The following SEC22A variants were observed in gnomAD, a reference collection of about 807,000 sequenced individuals.
The protein encoded by SEC22A is vesicle-trafficking protein SEC22a.
Under a neutral mutation model 35.3 loss-of-function variants are expected in SEC22A, and 22 were observed. The observed-to-expected ratio is 0.62, with a 90% CI of 0.45 to 0.89. The LOEUF (loss-of-function observed/expected upper bound fraction) is 0.89, where lower values mean the gene tolerates loss of function less well. Among genes scored for constraint, SEC22A ranks in the 40% least tolerant of loss-of-function variants. SEC22A has a pLI of 0.00. For missense variants in SEC22A, 354 were observed against 362.5 expected (o/e 0.98, Z 0.19); for synonymous variants, 119 against 129.5 (o/e 0.92, Z 0.55).
At chr3:123,212,840 G>A (rs1368953956) in intron 2 of SEC22A, among the ~76,000 whole-genome samples, 1 of 152,094 alleles carries the variant, frequency 6.6e-6, no homozygotes, top group African/African-American at 2.4e-5. Context: ...CCATCCATTT[G>A]TTAGAAAAAG....
chr3:123,256,161 A>T (rs564804895), intron 5 of SEC22A, among the ~76,000 whole-genome samples: 1 of 152,194 alleles, frequency 6.6e-6, no homozygotes, highest in East Asian at 1.9e-4. Flanking sequence ...CCTCTCTCTA[A>T]TCTAGGAGCT....
chr3:123,238,892 G>A (rs752925920), intron 4 of SEC22A, among the ~76,000 whole-genome samples: 1 of 152,056 alleles, frequency 6.6e-6, no homozygotes, highest in Non-Finnish European at 1.5e-5. Flanking sequence ...TGTTTATTAT[G>A]GAAATTTTCA....
intron 6 of SEC22A, among the ~76,000 whole-genome samples, chr3:123,259,992 C>G (rs1002215309): frequency 3.3e-5 from 5 of 151,812 alleles, no homozygotes; most frequent in Non-Finnish European, 5.9e-5. Context: ...ATTAGCCGGG[C>G]ATGGTGATGT....
At chr3:123,249,426 A>T (rs1937592370) in intron 5 of SEC22A, among the ~76,000 whole-genome samples, 2 of 152,164 alleles carry the variant, frequency 1.3e-5, no homozygotes, top group African/African-American at 4.8e-5. Flanking sequence ...GATCTCACCA[A>T]GAATTGCCTG....
intron 6 of SEC22A, among the ~76,000 whole-genome samples, chr3:123,264,927 G>C (rs911512185): frequency 6.6e-6 from 1 of 151,912 alleles, no homozygotes; most frequent in African/African-American, 2.4e-5. Context: ...GATTATAAGC[G>C]TGAGCCACCG....
At chr3:123,206,953 T>C (rs1251524735) in intron 1 of SEC22A, among the ~76,000 whole-genome samples, 2 of 152,180 alleles carry the variant, frequency 1.3e-5, no homozygotes, top group African/African-American at 2.4e-5. Context: ...CTGGGTGTTG[T>C]GGCGCATGCC....
At chr3:123,227,776 C>G (rs184075505) in intron 4 of SEC22A, among the ~76,000 whole-genome samples, 8 of 151,978 alleles carry the variant, frequency 5.3e-5, no homozygotes, top group African/African-American at 1.2e-4. Flanking sequence ...ATGGTGAAAC[C>G]CTGTCTCTAC....
chr3:123,251,522 T>G (rs1264957521), intron 5 of SEC22A, among the ~76,000 whole-genome samples: 1 of 152,232 alleles, frequency 6.6e-6, no homozygotes, highest in African/African-American at 2.4e-5. Flanking sequence ...TTAAAGTCTT[T>G]GTTCTGCCAT....
intron 5 of SEC22A, among the ~76,000 whole-genome samples, chr3:123,249,007 G>T (rs1937588791): frequency 6.6e-6 from 1 of 152,182 alleles, no homozygotes; most frequent in Non-Finnish European, 1.5e-5. Context: ...AGTTCAGGTT[G>T]TCACCAATTG....
rs758157527 is a variant in SEC22A at position 123,225,243 on chromosome 3, G to C, written c.487G>C (p.Gly163Arg). Reference sequence around the variant, plus strand: ...CATGTGCGAACTGGGGTCAGCCAATGGAGTCACATCAGCATTTTCTGTTGA... The same window carrying C: ...CATGTGCGAACTGGGGTCAGCCAATCGAGTCACATCAGCATTTTCTGTTGA... ...ISMCELGSAN[G>R]VTSAFSVDCK... The change falls in exon 4 of 7, where the codon GGA becomes CGA. Residue 163 changes from glycine (G) to arginine (R), a missense_variant. Coordinates refer to ENST00000492595, the MANE Select transcript of SEC22A (RefSeq NM_012430.5). 5.6e-6 allele frequency: 9 copies of C among 1,613,648 alleles called. No individual in the cohort carries two copies. The African/African-American group carries it at 1.1e-4, about 19-fold the overall frequency.
At chr3:123,268,574 G>A (rs770384067) in intron 6 of SEC22A, among the ~76,000 whole-genome samples, 14 of 152,122 alleles carry the variant, frequency 9.2e-5, no homozygotes, top group African/African-American at 2.2e-4. Context: ...TCCCTGAGCC[G>A]TTGTTTTTAA....
chr3:123,233,413 G>A (rs1338396969), intron 4 of SEC22A, among the ~76,000 whole-genome samples: 2 of 152,064 alleles, frequency 1.3e-5, no homozygotes, highest in Admixed American at 6.6e-5. Context: ...CGTTTGCACA[G>A]CAATATCACC....
At chr3:123,204,999 G>A (rs2108022094) in intron 1 of SEC22A, among the ~76,000 whole-genome samples, 1 of 152,204 alleles carries the variant, frequency 6.6e-6, no homozygotes, top group East Asian at 1.9e-4. Context: ...GCTTAGGCCT[G>A]ACATGGACAG....
At chr3:123,213,076 A>G (rs1936965760) in intron 2 of SEC22A, among the ~76,000 whole-genome samples, 1 of 152,214 alleles carries the variant, frequency 6.6e-6, no homozygotes, top group Non-Finnish European at 1.5e-5. Context: ...AATACAATTC[A>G]GATAAATGCA....
At chr3:123,223,138 A>C (rs1296424617) in intron 2 of SEC22A, among the ~76,000 whole-genome samples, 1 of 152,240 alleles carries the variant, frequency 6.6e-6, no homozygotes, top group Non-Finnish European at 1.5e-5. Flanking sequence ...AATTGTGTGC[A>C]ATCTTCTGTG....
chr3:123,257,115 TGATA>T (rs762743564), intron 5 of SEC22A, among the ~76,000 whole-genome samples: 2 of 152,140 alleles, frequency 1.3e-5, no homozygotes, highest in Non-Finnish European at 2.9e-5. Flanking sequence ...TGTAAATGCT[TGATA>T]AATATTTATT....
chr3:123,223,723 G>C lies in SEC22A; in HGVS notation c.346+1G>C. The C allele has an allele frequency of 6.2e-7, 1 of 1,607,034 alleles. No individual in the cohort carries two copies. Among genetic ancestry groups the C allele is most frequent in the Non-Finnish European group, 8.5e-7 (1 of 1,176,578 alleles). On this transcript the variant is annotated splice_donor_variant, in intron 3 of 6. Coordinates refer to ENST00000492595, the MANE Select transcript of SEC22A (RefSeq NM_012430.5). LOFTEE classifies it high-confidence loss of function. ...AGACCATACTGTTTCATTGAATTTG[G>C]TAAGGGCCTGATTTTTTTTTCCTTT...
At chr3:123,224,317 A>G (rs1937182740) in intron 3 of SEC22A, among the ~76,000 whole-genome samples, 2 of 152,234 alleles carry the variant, frequency 1.3e-5, no homozygotes, top group South Asian at 2.1e-4. Flanking sequence ...CCACTTGGAA[A>G]ATATTTAGGA....
In SEC22A at chr3:123,273,075, T is replaced by C. The variant is rs980599120; in HGVS notation, c.*1353T>C. ...TTCATGGGTGATTTTCCTTTGTTTT[T>C]TAAAGAAAATATTTCAAACAAGGAA... On this transcript the variant is annotated 3_prime_UTR_variant, in exon 7 of 7. Coordinates refer to ENST00000492595, the MANE Select transcript of SEC22A (RefSeq NM_012430.5). 2 of 153,384 alleles carry C rather than the reference T, an allele frequency of 1.3e-5. No individual in the cohort carries two copies. Among genetic ancestry groups the C allele is most frequent in the African/African-American group, 2.4e-5 (1 of 41,462 alleles). The allele number at this position is 153,384 out of a possible 1,614,324, so 9.5% of individuals were successfully genotyped here.
Sources: allele counts gnomAD v4.1 joint callset (sites outside exome capture counted in the v4.1 genomes callset), GRCh38; gene constraint gnomAD v4.1.1; transcripts MANE v1.5; gene names NCBI Gene and HGNC (gene_info 2026-07-23, HGNC 2026-07-21).